Variants in SLC22A23 observed in about 807,000 individuals in gnomAD.
The protein encoded by SLC22A23 is solute carrier family 22 member 23.
Under a neutral mutation model 61.0 loss-of-function variants are expected in SLC22A23, and 26 were observed. The ratio of observed to expected loss-of-function variants is 0.43; its 90% CI spans 0.31 to 0.59. SLC22A23 has a LOEUF of 0.59. SLC22A23 is among the 20% of genes least tolerant of loss of function. SLC22A23 has a pLI of 0.11. For synonymous variants in SLC22A23, 430 were observed against 413.9 expected, an observed-to-expected ratio of 1.04 and a Z score of -0.47; for missense variants, 796 against 934.7, an observed-to-expected ratio of 0.85 and a Z score of 1.94.
At chr6:3,418,240 A>G (rs1206867933) in intron 1 of SLC22A23, among the ~76,000 whole-genome samples, 1 of 152,240 alleles carries the variant, frequency 6.6e-6, no homozygotes, top group African/African-American at 2.4e-5. Flanking sequence ...TGCTGTCTTG[A>G]TGGCAGGGAG....
chr6:3,289,705 T>A (rs552290124), intron 6 of SLC22A23, 59 bp downstream of exon 6: 1 of 1,447,718 alleles, frequency 6.9e-7, no homozygotes, highest in African/African-American at 1.4e-5. Context: ...GCTTCACCAC[T>A]CCCCACCTTC....
chr6:3,427,411 AC>A lies in SLC22A23; in HGVS notation c.655-11557del, dbSNP rs1419448447. 6.6e-6 allele frequency among the ~76,000 whole-genome samples: 1 copy of A among 151,656 alleles called. No individual in the cohort carries two copies. The highest frequency in any genetic ancestry group is 1.5e-5 in the Non-Finnish European group (1 of 68,030). On this transcript the variant is annotated intron_variant, in intron 1 of 9. Coordinates refer to ENST00000406686, the MANE Select transcript of SLC22A23 (RefSeq NM_015482.2). The surrounding 1 kb of genome is among the most constrained non-coding windows in gnomAD (Gnocchi z 4.3). Reference sequence around the variant, plus strand: ...AGTCTGAGCTATTCATTTTAGCCTCACCCCTAACTGACCCAAATTAAGGGGT... The same window carrying A: ...AGTCTGAGCTATTCATTTTAGCCTCACCCTAACTGACCCAAATTAAGGGGT...
rs60880355 is a variant in SLC22A23 at position 3,414,721 on chromosome 6, CAAAAAA to C, written c.758+1025_758+1030del. 6.7e-5 allele frequency among the ~76,000 whole-genome samples: 6 copies of C among 89,540 alleles called. No individual in the cohort carries two copies. Among genetic ancestry groups the C allele is most frequent in the Non-Finnish European group, 8.4e-5 (4 of 47,424 alleles). The allele number at this position is 89,540 out of a possible 152,430, so 58.7% of individuals were successfully genotyped here. A position where few individuals can be genotyped will look rare whatever the true frequency, so the allele number is the denominator to read the frequency against. On this transcript the variant is annotated intron_variant, in intron 2 of 9. Transcript: ENST00000406686. The surrounding 1 kb of genome is among the most constrained non-coding windows in gnomAD (Gnocchi z 5.1). ...TCAAGGCCAAGATGTCTCGATTCAC[CAAAAAA>C]AAAAAAAAAAAAAAAAATCCTTTAA...
intron 3 of SLC22A23, among the ~76,000 whole-genome samples, chr6:3,371,628 T>C (rs776006944): frequency 3.3e-5 from 5 of 152,086 alleles, no homozygotes; most frequent in Non-Finnish European, 7.4e-5. Flanking sequence ...ATTTGTAAAA[T>C]GGGGATAAAA....
chr6:3,297,377 C>T lies in SLC22A23; in HGVS notation c.1210+714G>A, dbSNP rs190224770. ...GAGTCAGAGCTTGGGCCGAGACCAC[C>T]AGTGATCTTCAAACGGAAATCTGTA... On this transcript the variant is annotated intron_variant, in intron 5 of 9. Coordinates refer to ENST00000406686, the MANE Select transcript of SLC22A23 (RefSeq NM_015482.2). The surrounding 1 kb of genome is among the most constrained non-coding windows in gnomAD (Gnocchi z 4.3). Among the ~76,000 whole-genome samples the T allele has an allele frequency of 3.3e-4, 50 of 152,316 alleles. No homozygotes were observed. Among genetic ancestry groups the T allele is most frequent in the African/African-American group, 1.2e-3 (48 of 41,572 alleles).
chr6:3,312,385 T>C (rs1000581836), intron 4 of SLC22A23: 1 of 152,104 alleles, frequency 6.6e-6, no homozygotes, highest in African/African-American at 2.4e-5. Flanking sequence ...GGGGATTAAT[T>C]TGGCAAATGA....
chr6:3,456,335 G>A lies in SLC22A23; in HGVS notation c.225C>T (p.Leu75=). 1 of 1,549,742 alleles carries A rather than the reference G, an allele frequency of 6.5e-7. No homozygotes were observed. The highest frequency in any genetic ancestry group is 8.7e-7 in the Non-Finnish European group (1 of 1,146,600). ...CCGACCCGTCATAGTCCAGCAACAA[G>A]AGGCTCGGGGCCGCAGCCGCGGAGC... is the stretch of plus-strand genomic sequence containing the variant. ...SCCSAAAAPS[L]LLLDYDGSVL... The change falls in exon 1 of 10, where the codon CTC becomes CTT. Residue 75 remains leucine, a synonymous_variant. Coordinates refer to ENST00000406686, the MANE Select transcript of SLC22A23 (RefSeq NM_015482.2). This position sits in a 1 kb window ranked among gnomAD's most constrained non-coding sequence, Gnocchi z 7.1.
chr6:3,343,978 G>A lies in SLC22A23; in HGVS notation c.914-19976C>T, dbSNP rs190923352. ...CCTAAGTTAGAAAATATTTTAAGAG[G>A]ATTTTTGCTAAGGGGAATGGTACAC... On this transcript the variant is annotated intron_variant, in intron 3 of 9. Transcript: ENST00000406686. Among the ~76,000 whole-genome samples the A allele has an allele frequency of 3.5e-4, 53 of 152,310 alleles. 1 individual carries two copies. Among genetic ancestry groups the A allele is most frequent in the Middle Eastern group, 6.8e-3 (2 of 294 alleles).
At chr6:3,382,619 G>A (rs1767026095) in intron 3 of SLC22A23, among the ~76,000 whole-genome samples, 1 of 152,196 alleles carries the variant, frequency 6.6e-6, no homozygotes, top group South Asian at 2.1e-4. Flanking sequence ...TAGCCTGTGG[G>A]ACAAATTTGG....
rs1447718597 is a variant in SLC22A23, at chr6:3,390,712, A to C, written c.913+19476T>G. On this transcript the variant is annotated intron_variant, in intron 3 of 9. Transcript: ENST00000406686. The surrounding 1 kb of genome is among the most constrained non-coding windows in gnomAD (Gnocchi z 4.0). ...GCCACTCAGCATCTCTGAGCCTGGT[A>C]TGTATCAGTGGACCCCAAGTGGGGC... Among the ~76,000 whole-genome samples the C allele has an allele frequency of 6.6e-6, 1 of 152,242 alleles. No individual in the cohort carries two copies. Among genetic ancestry groups the C allele is most frequent in the Non-Finnish European group, 1.5e-5 (1 of 68,038 alleles).
intron 3 of SLC22A23, among the ~76,000 whole-genome samples, chr6:3,351,635 T>C (rs1485456343): frequency 7.3e-6 from 1 of 136,400 alleles, no homozygotes; most frequent in Non-Finnish European, 1.6e-5. Flanking sequence ...CCCCTCGACC[T>C]TTCCTGGCTT....
At position 3,286,986 on chromosome 6, in the gene SLC22A23, G is replaced by A; in HGVS notation, c.1419C>T (p.Ala473=). Residue 473 remains alanine (A), a synonymous_variant, in exon 7 of 10, where the codon GCC becomes GCT. Transcript: ENST00000406686. This position sits in a 1 kb window ranked among gnomAD's most constrained non-coding sequence, Gnocchi z 4.2. ...CCAGGCAGGACACCAGCGCGATGCT[G>A]GCCGTGGTATAGTAGTCAGCATAGA... ...ENFYADYYTT[A]SIALVSCLAM... The A allele has an allele frequency of 1.9e-6, 3 of 1,614,184 alleles. No individual in the cohort carries two copies. Among genetic ancestry groups the A allele is most frequent in the Non-Finnish European group, 2.5e-6 (3 of 1,180,044 alleles).
intron 3 of SLC22A23, among the ~76,000 whole-genome samples, chr6:3,377,546 G>A (rs1423816868): frequency 6.6e-6 from 1 of 152,246 alleles, no homozygotes; most frequent in Non-Finnish European, 1.5e-5. Flanking sequence ...TGGGCAGCAT[G>A]AAGGCAGAAA....
chr6:3,404,272 T>C (rs1378002547), intron 3 of SLC22A23, among the ~76,000 whole-genome samples: 1 of 152,234 alleles, frequency 6.6e-6, no homozygotes, highest in Non-Finnish European at 1.5e-5. Flanking sequence ...AGCCTATCTG[T>C]ACATTTAGGC....
chr6:3,313,034 G>A (rs990572656), intron 4 of SLC22A23: 3 of 152,180 alleles, frequency 2.0e-5, no homozygotes, highest in African/African-American at 7.2e-5. Flanking sequence ...AGCCACACTG[G>A]CCTCCAGAGC....
intron 3 of SLC22A23, among the ~76,000 whole-genome samples, chr6:3,402,558 T>A (rs1185920181): frequency 7.9e-6 from 1 of 126,460 alleles, no homozygotes; most frequent in Non-Finnish European, 1.6e-5. Context: ...CCCACTCCAA[T>A]CATCCACACT....
chr6:3,359,045 T>C (rs1187913798), intron 3 of SLC22A23, among the ~76,000 whole-genome samples: 1 of 152,194 alleles, frequency 6.6e-6, no homozygotes, highest in Non-Finnish European at 1.5e-5. Context: ...GAAGAGAGAA[T>C]AGGGAATTCA....
chr6:3,281,766 C>T (rs1374490174), intron 9 of SLC22A23, among the ~76,000 whole-genome samples: 1 of 152,016 alleles, frequency 6.6e-6, no homozygotes, highest in Non-Finnish European at 1.5e-5. Context: ...GAAAAGGGCT[C>T]CCAGCGAGAA....
chr6:3,354,453 G>T (rs1764953244), intron 3 of SLC22A23, among the ~76,000 whole-genome samples: 1 of 152,192 alleles, frequency 6.6e-6, no homozygotes, highest in East Asian at 1.9e-4. Flanking sequence ...CATTTAATAA[G>T]TTCCTCGATT....
Sources: gnomAD v4.1 joint callset for allele counts (sites outside exome capture counted in the v4.1 genomes callset) on GRCh38, gnomAD v4.1.1 for gene constraint, Gnocchi (gnomAD v3.1) non-coding constraint, MANE v1.5 for transcripts, NCBI Gene and HGNC (gene_info 2026-07-23, HGNC 2026-07-21) for gene names.